NPHP4: variants seen among roughly 807,000 people sequenced by gnomAD.
NPHP4 encodes nephrocystin 4.
NPHP4 carries 151 observed loss-of-function variants against 155.8 expected under a neutral mutation model. That is an observed-to-expected ratio of 0.97 (90% confidence interval 0.85 to 1.11). The LOEUF (loss-of-function observed/expected upper bound fraction) is 1.11. Ranked by LOEUF, NPHP4 falls within the 50% of genes least tolerant of loss-of-function variation. The pLI, the probability that NPHP4 is intolerant of heterozygous loss-of-function variation, is 0.00. For synonymous variants in NPHP4, 845 were observed against 816.8 expected (o/e 1.03, Z -0.59); for missense variants, 1,956 against 1,925.7 (o/e 1.02, Z -0.29).
At chr1:5,891,535 G>A (rs530549670) in intron 16 of NPHP4, among the ~76,000 whole-genome samples, 1 of 152,304 alleles carries the variant, frequency 6.6e-6, no homozygotes, top group Non-Finnish European at 1.5e-5. Flanking sequence ...CCTCCCGTGC[G>A]GTCTGCCCTG....
chr1:5,901,464 T>C (rs951925715), intron 16 of NPHP4, among the ~76,000 whole-genome samples: 7 of 152,254 alleles, frequency 4.6e-5, no homozygotes, highest in African/African-American at 1.7e-4. Context: ...TTTTTTGGAC[T>C]TCAACTTAAG....
Position 5,944,240 on chromosome 1 carries a change from G to T in NPHP4, c.1119+2864C>A, listed in dbSNP as rs963356686. The stretch of plus-strand genomic sequence containing the variant: ...CAGCTGTGCTTACAGCTTCCACCAC[G>T]CAGGGTCCTCACCAAAGACAAGGAG... On this transcript the variant is annotated intron_variant, in intron 9 of 29. Coordinates refer to ENST00000378156, the MANE Select transcript of NPHP4 (RefSeq NM_015102.5). This position sits in a 1 kb window ranked among gnomAD's most constrained non-coding sequence, Gnocchi z 4.3. Among the ~76,000 whole-genome samples the T allele has an allele frequency of 6.6e-6, 1 of 152,164 alleles. No homozygotes were observed. Among genetic ancestry groups the T allele is most frequent in the Non-Finnish European group, 1.5e-5 (1 of 68,036 alleles).
chr1:5,905,511 C>A lies in NPHP4; in HGVS notation c.1764-28G>T. 1 of 1,597,962 alleles carries A rather than the reference C, an allele frequency of 6.3e-7. No individual in the cohort carries two copies. Among genetic ancestry groups the A allele is most frequent in the South Asian group, 1.1e-5 (1 of 90,174 alleles). On this transcript the variant is annotated intron_variant, in intron 14 of 29. Transcript: ENST00000378156. This position sits in a 1 kb window ranked among gnomAD's most constrained non-coding sequence, Gnocchi z 4.0. The stretch of plus-strand genomic sequence containing the variant: ...GAGACACAGAGACTCCTCAGGTAGC[C>A]TCCCGGGAAAGGGGGGACCCATTGA...
In NPHP4 at chr1:5,941,345, T is replaced by TA. The variant is rs1219767353; in HGVS notation, c.1119+5758dup. 1.5e-4 allele frequency among the ~76,000 whole-genome samples: 9 copies of TA among 60,170 alleles called. No homozygotes were observed. The East Asian group carries it at 3.6e-3, about 24-fold the overall frequency. 39.5% of individuals were successfully genotyped at this position (60,170 alleles called of 152,430 possible). On this transcript the variant is annotated intron_variant, in intron 9 of 29. Coordinates refer to ENST00000378156, the MANE Select transcript of NPHP4 (RefSeq NM_015102.5). ...GGAGAAACATTGCACGAGGAGAAAATATGGGTGAATTCCTCTATGACTGGG... is the reference window on the plus strand; with the variant it reads ...GGAGAAACATTGCACGAGGAGAAAATAATGGGTGAATTCCTCTATGACTGGG...
At chr1:5,919,498 A>C (rs1019650569) in intron 11 of NPHP4, among the ~76,000 whole-genome samples, 1 of 152,162 alleles carries the variant, frequency 6.6e-6, no homozygotes, top group Non-Finnish European at 1.5e-5. Flanking sequence ...CTGGGACAGG[A>C]GCCTAACCAA....
At chr1:5,936,301 T>C (rs1267225391) in intron 9 of NPHP4, among the ~76,000 whole-genome samples, 1 of 152,208 alleles carries the variant, frequency 6.6e-6, no homozygotes, top group Admixed American at 6.5e-5. Flanking sequence ...CCAGTCGCCA[T>C]GTATTTGCCC....
At chr1:5,884,533 C>A (rs1570227903) in intron 18 of NPHP4, among the ~76,000 whole-genome samples, 3 of 27,326 alleles carry the variant, frequency 1.1e-4, no homozygotes, top group African/African-American at 3.6e-4. Context: ...CCAGCCGAGC[C>A]CCCGTCCTAC....
intron 1 of NPHP4, among the ~76,000 whole-genome samples, chr1:5,990,584 G>C (rs1448064802): frequency 6.6e-6 from 1 of 152,242 alleles, no homozygotes; most frequent in East Asian, 1.9e-4. Flanking sequence ...TTACAGATGA[G>C]AACACTGAGA....
chr1:5,895,039 T>C (rs1457271652), intron 16 of NPHP4, among the ~76,000 whole-genome samples: 2 of 152,306 alleles, frequency 1.3e-5, no homozygotes, highest in South Asian at 2.1e-4. Context: ...TGTAGGGACA[T>C]GGATGAAGCT....
intron 19 of NPHP4, among the ~76,000 whole-genome samples, chr1:5,878,515 A>T (rs769516321): frequency 2.0e-5 from 3 of 152,232 alleles, no homozygotes; most frequent in Non-Finnish European, 2.9e-5. Flanking sequence ...AACCAGAAAG[A>T]AAGTTACAGA....
At chr1:5,869,243 A>AGGCACCCACATG (rs1553154613) in intron 23 of NPHP4, among the ~76,000 whole-genome samples, 23 of 137,804 alleles carry the variant, frequency 1.7e-4, no homozygotes, top group African/African-American at 5.8e-4. Context: ...GCACACACAC[A>AGGCACCCACATG]CACACACACA....
In NPHP4 at chr1:5,927,799, C is replaced by T; in HGVS notation, c.1303-12G>A. The T allele has an allele frequency of 6.2e-7, 1 of 1,602,466 alleles. No individual in the cohort carries two copies. On this transcript the variant is annotated splice_polypyrimidine_tract_variant and intron_variant, in intron 10 of 29. Transcript: ENST00000378156. Reference sequence around the variant, plus strand: ...TCCACCTGCTTCACCTGCAATGGACCAGAAGAGCAGTGATGGCCACTCCCT... The same window carrying T: ...TCCACCTGCTTCACCTGCAATGGACTAGAAGAGCAGTGATGGCCACTCCCT...
rs552016989 is a variant in NPHP4, at chr1:5,865,799, C to G, written c.3645-526G>C. On this transcript the variant is annotated intron_variant, in intron 26 of 29. Transcript: ENST00000378156. ...GGCTCACGAGGAAGCCACTCTGAGA[C>G]GTGGTCACGTGGCCCCTCTGTGGTG... 14 of 163,634 alleles carry G rather than the reference C, an allele frequency of 8.6e-5. No homozygotes were observed. In the East Asian group the frequency reaches 2.4e-3, roughly 28 times the overall value. The allele number at this position is 163,634 out of a possible 1,614,324, so 10.1% of individuals were successfully genotyped here. A position where few individuals can be genotyped will look rare whatever the true frequency, so the allele number is the denominator to read the frequency against.
chr1:5,984,997 T>G (rs1175295566), intron 2 of NPHP4, among the ~76,000 whole-genome samples: 2 of 152,184 alleles, frequency 1.3e-5, no homozygotes, highest in Non-Finnish European at 2.9e-5. Flanking sequence ...AGAGCTGCTC[T>G]GAGGATTAAG....
intron 3 of NPHP4, among the ~76,000 whole-genome samples, chr1:5,972,002 T>C (rs1352123643): frequency 9.2e-5 from 14 of 152,244 alleles, no homozygotes; most frequent in Admixed American, 9.2e-4. Flanking sequence ...CCATTTTGCC[T>C]CGGGGCCCAG....
chr1:5,881,034 C>T (rs1445043555), intron 18 of NPHP4: 3 of 152,256 alleles, frequency 2.0e-5, no homozygotes, highest in Non-Finnish European at 4.4e-5. Context: ...ATGTCCTCAC[C>T]ATTTTCCCGG....
chr1:5,904,481 G>T, intron 16 of NPHP4, 136 bp downstream of exon 16: 2 of 640,386 alleles, frequency 3.1e-6, no homozygotes, highest in Non-Finnish European at 5.0e-6. Flanking sequence ...AGTGTTTGCT[G>T]CACTGGTCAC....
intron 21 of NPHP4, 59 bp from the exon 22 acceptor site, chr1:5,874,716 C>T: frequency 6.4e-7 from 1 of 1,565,894 alleles, no homozygotes; most frequent in East Asian, 2.3e-5. Flanking sequence ...CCACAGGAGG[C>T]TGCGGTCCCA....
intron 3 of NPHP4, 23 bp from the exon 4 acceptor site, chr1:5,969,282 T>C (rs758442405): frequency 1.3e-6 from 2 of 1,501,666 alleles, no homozygotes; most frequent in South Asian, 1.3e-5. Context: ...AGCCAGAGGA[T>C]GGTCTGAGTG....
Sources: gnomAD v4.1 joint callset for allele counts (sites outside exome capture counted in the v4.1 genomes callset) on GRCh38, gnomAD v4.1.1 for gene constraint, Gnocchi (gnomAD v3.1) non-coding constraint, MANE v1.5 for transcripts, NCBI Gene and HGNC (gene_info 2026-07-23, HGNC 2026-07-21) for gene names.